MRTFA: variants seen among roughly 807,000 people sequenced by gnomAD.
MRTFA encodes myocardin-related transcription factor A.
A neutral mutation model predicts 83.5 loss-of-function variants in MRTFA; 20 were observed. The ratio of observed to expected loss-of-function variants is 0.24; its 90% CI spans 0.17 to 0.35. The LOEUF is 0.35. Ranked by LOEUF, MRTFA falls within the 10% of genes least tolerant of loss-of-function variation. The pLI is 1.00. For synonymous variants in MRTFA, 659 were observed against 541.2 expected, an observed-to-expected ratio of 1.22 and a Z score of -3.02; for missense variants, 1,200 against 1,224.7, an observed-to-expected ratio of 0.98 and a Z score of 0.30.
Position 40,535,353 on chromosome 22 carries a change from T to TTC in MRTFA, c.241+16752_241+16753insGA, listed in dbSNP as rs1280277122. Among the ~76,000 whole-genome samples the TTC allele has an allele frequency of 6.1e-5, 8 of 131,416 alleles. 1 individual carries two copies. In the East Asian group the frequency reaches 8.4e-4, roughly 14 times the overall value. 86.2% of individuals were successfully genotyped at this position (131,416 alleles called of 152,430 possible). On this transcript the variant is annotated intron_variant, in intron 3 of 14. Transcript: ENST00000355630. ...TGCTGTGTGAGAGGTTTTTTCTTTT[T>TTC]TTTTTTTTTTTTCTTTTTGAGACTA...
intron 1 of MRTFA, among the ~76,000 whole-genome samples, chr22:40,621,169 G>A (rs111317264): frequency 3.8e-4 from 57 of 149,300 alleles, no homozygotes; most frequent in African/African-American, 1.2e-3. Flanking sequence ...GTGACAGAGC[G>A]AGACTCTGTC....
chr22:40,498,277 T>TA (rs1602339552), intron 3 of MRTFA, among the ~76,000 whole-genome samples: 2 of 81,906 alleles, frequency 2.4e-5, no homozygotes, highest in Non-Finnish European at 4.8e-5. Context: ...ATATATATTT[T>TA]TTTTTTTTTT....
intron 4 of MRTFA, among the ~76,000 whole-genome samples, chr22:40,449,767 T>A (rs1039489618): frequency 5.9e-5 from 9 of 152,232 alleles, no homozygotes; most frequent in Admixed American, 5.9e-4. Flanking sequence ...GAGTTTTAAT[T>A]TCCTGGACTC....
intron 2 of MRTFA, among the ~76,000 whole-genome samples, chr22:40,560,788 A>G (rs1270094861): frequency 1.3e-5 from 2 of 152,122 alleles, no homozygotes; most frequent in Non-Finnish European, 2.9e-5. Flanking sequence ...TGGCCTGATT[A>G]TGCATCTTTT....
At chr22:40,473,622 C>T (rs1412427441) in intron 3 of MRTFA, among the ~76,000 whole-genome samples, 2 of 152,156 alleles carry the variant, frequency 1.3e-5, no homozygotes, top group African/African-American at 4.8e-5. Flanking sequence ...AATTCAGCAA[C>T]AGACACCAAT....
intron 1 of MRTFA, among the ~76,000 whole-genome samples, chr22:40,610,584 A>T (rs2056375654): frequency 6.6e-6 from 1 of 152,072 alleles, no homozygotes; most frequent in Non-Finnish European, 1.5e-5. Context: ...AGTGGGGGAG[A>T]AAAGACCTAG....
At chr22:40,518,410 T>C (rs1379497654) in intron 3 of MRTFA, among the ~76,000 whole-genome samples, 5 of 140,944 alleles carry the variant, frequency 3.5e-5, no homozygotes. Context: ...GGTTGGAGAA[T>C]TGGTTGTTGG....
In MRTFA at chr22:40,411,315, G is replaced by C; in HGVS notation, c.*75C>G. 1 of 1,451,696 alleles carries C rather than the reference G, an allele frequency of 6.9e-7. No individual in the cohort carries two copies. Among genetic ancestry groups the C allele is most frequent in the Non-Finnish European group, 9.3e-7 (1 of 1,080,076 alleles). The allele number at this position is 1,451,696 out of a possible 1,614,324, so 89.9% of individuals were successfully genotyped here. Reference sequence around the variant, plus strand: ...AGACTCACAACCATGTGGAGAGGCCGAATCACGCAGGAGAGCCACGCATTG... The same window carrying C: ...AGACTCACAACCATGTGGAGAGGCCCAATCACGCAGGAGAGCCACGCATTG... On this transcript the variant is annotated 3_prime_UTR_variant, in exon 15 of 15. Coordinates refer to ENST00000355630, the MANE Select transcript of MRTFA (RefSeq NM_020831.6).
chr22:40,539,139 C>T (rs186291026), intron 3 of MRTFA, among the ~76,000 whole-genome samples: 19 of 150,244 alleles, frequency 1.3e-4, no homozygotes, highest in African/African-American at 2.0e-4. Context: ...GGATTACAGT[C>T]GCCCACCACC....
intron 1 of MRTFA, among the ~76,000 whole-genome samples, chr22:40,598,592 T>C (rs1469487436): frequency 6.6e-6 from 1 of 152,138 alleles, no homozygotes; most frequent in Non-Finnish European, 1.5e-5. Context: ...ACACACTGTT[T>C]TTGAAATTAC....
intron 3 of MRTFA, among the ~76,000 whole-genome samples, chr22:40,498,008 C>T (rs1319703953): frequency 2.7e-5 from 4 of 149,842 alleles, no homozygotes; most frequent in Admixed American, 6.7e-5. Context: ...GGTGTAGTGG[C>T]GCATGCCTGT....
At chr22:40,462,284 A>T (rs567294285) in intron 4 of MRTFA, among the ~76,000 whole-genome samples, 1 of 152,198 alleles carries the variant, frequency 6.6e-6, no homozygotes, top group Non-Finnish European at 1.5e-5. Flanking sequence ...CAAGAGCTGG[A>T]TTTATCTTGC....
chr22:40,560,499 AG>A, intron 2 of MRTFA, among the ~76,000 whole-genome samples: 1 of 152,206 alleles, frequency 6.6e-6, no homozygotes. Context: ...GATAATCTAG[AG>A]ACAAGACCCA....
chr22:40,587,131 C>G (rs2056042875), intron 2 of MRTFA: 1 of 456,236 alleles, frequency 2.2e-6, no homozygotes, highest in Admixed American at 2.5e-5. Flanking sequence ...GATGTCTGGG[C>G]TTTTCAAGAT....
At chr22:40,422,097 G>A (rs1175899609) in intron 9 of MRTFA, among the ~76,000 whole-genome samples, 2 of 152,138 alleles carry the variant, frequency 1.3e-5, no homozygotes, top group Non-Finnish European at 2.9e-5. Flanking sequence ...CAGAGAGCCT[G>A]TGAGCACAGG....
chr22:40,485,235 C>G (rs1272334629), intron 3 of MRTFA, among the ~76,000 whole-genome samples: 1 of 152,194 alleles, frequency 6.6e-6, no homozygotes, highest in Admixed American at 6.5e-5. Context: ...TTTTCCTCCT[C>G]CTGATTTTCA....
chr22:40,524,924 C>T (rs1246269928), intron 3 of MRTFA, among the ~76,000 whole-genome samples: 1 of 152,216 alleles, frequency 6.6e-6, no homozygotes, highest in Non-Finnish European at 1.5e-5. Flanking sequence ...TCTCCTGCCT[C>T]GGCCTCCCAA....
chr22:40,482,722 T>C (rs2054111657), intron 3 of MRTFA, among the ~76,000 whole-genome samples: 1 of 152,192 alleles, frequency 6.6e-6, no homozygotes. Flanking sequence ...TGCTAATCCC[T>C]GCTGGTATCA....
chr22:40,502,079 G>A (rs2054493773), intron 3 of MRTFA, among the ~76,000 whole-genome samples: 1 of 136,570 alleles, frequency 7.3e-6, no homozygotes, highest in Admixed American at 7.0e-5. Context: ...CGGGCTGAGG[G>A]GCTCCTCACT....
Sources: gnomAD v4.1 joint callset for allele counts (sites outside exome capture counted in the v4.1 genomes callset) on GRCh38, gnomAD v4.1.1 for gene constraint, MANE v1.5 for transcripts, NCBI Gene and HGNC (gene_info 2026-07-23, HGNC 2026-07-21) for gene names.